Variants in PARP8 observed in about 807,000 individuals in gnomAD.
PARP8 encodes the protein protein mono-ADP-ribosyltransferase PARP8.
PARP8 carries 51 observed loss-of-function variants against 124.1 expected under a neutral mutation model. That is an observed-to-expected ratio of 0.41 (90% CI 0.33 to 0.52). PARP8 has a LOEUF of 0.52. PARP8 is among the 20% of genes least tolerant of loss of function. PARP8 has a pLI of 0.21. For synonymous variants in PARP8, 391 were observed against 361.5 expected (o/e 1.08, Z -0.93); for missense variants, 860 against 1,018.9 (o/e 0.84, Z 2.12).
At chr5:50,680,378 G>T (rs1751154533) in intron 2 of PARP8, among the ~76,000 whole-genome samples, 1 of 151,980 alleles carries the variant, frequency 6.6e-6, no homozygotes, top group Admixed American at 6.6e-5. Context: ...GAGTACGGAG[G>T]TCATTTGTAA....
rs369919383 is a variant in PARP8, at chr5:50,835,243, T to TA, written c.2462+236dup. Among the ~76,000 whole-genome samples, 27 of 151,982 alleles carry TA rather than the reference T, an allele frequency of 1.8e-4. 1 individual carries two copies. Among genetic ancestry groups the TA allele is most frequent in the South Asian group, 8.4e-4 (4 of 4,788 alleles). On this transcript the variant is annotated intron_variant, in intron 25 of 25. Coordinates refer to ENST00000281631, the MANE Select transcript of PARP8 (RefSeq NM_024615.4). ...TGAAAAACACCTGTTAACTTACAAC[T>TA]AAAAAAAACACCATCTTAGTCAAGC...
At chr5:50,759,809 A>T in intron 4 of PARP8, 77 bp downstream of exon 4, 1 of 1,413,266 alleles carries the variant, frequency 7.1e-7, no homozygotes, top group Non-Finnish European at 9.4e-7. Flanking sequence ...TGTTTGTTTC[A>T]TTTAGCCAGT....
At chr5:50,830,599 G>A (rs1746846284) in intron 22 of PARP8, among the ~76,000 whole-genome samples, 1 of 152,138 alleles carries the variant, frequency 6.6e-6, no homozygotes, top group African/African-American at 2.4e-5. Flanking sequence ...ATTTTACAAT[G>A]ATCAGCATGA....
At chr5:50,814,362 A>T (rs562870267) in intron 14 of PARP8, among the ~76,000 whole-genome samples, 1 of 152,310 alleles carries the variant, frequency 6.6e-6, no homozygotes, top group Non-Finnish European at 1.5e-5. Flanking sequence ...AGTTTGCTCT[A>T]TGTATATCTA....
Position 50,748,625 on chromosome 5 carries a change from A to G in PARP8, c.147-1526A>G, listed in dbSNP as rs183264906. 1.7e-3 allele frequency among the ~76,000 whole-genome samples: 252 copies of G among 152,258 alleles called. 2 individuals carry two copies. The highest frequency in any genetic ancestry group is 2.2e-3 in the Non-Finnish European group (150 of 67,996). Reference sequence around the variant, plus strand: ...CTTTGTTTTTGGTGGATCTGTATATATAATATATGGGCTGAATAGAGAATT... The same window carrying G: ...CTTTGTTTTTGGTGGATCTGTATATGTAATATATGGGCTGAATAGAGAATT... On this transcript the variant is annotated intron_variant, in intron 2 of 25. Coordinates refer to ENST00000281631, the MANE Select transcript of PARP8 (RefSeq NM_024615.4).
intron 2 of PARP8, among the ~76,000 whole-genome samples, chr5:50,708,602 T>C (rs1754407133): frequency 6.6e-6 from 1 of 152,084 alleles, no homozygotes; most frequent in South Asian, 2.1e-4. Context: ...AATTTCTTTA[T>C]ATGTAACTTA....
At chr5:50,803,145 T>C (rs1466715594) in intron 14 of PARP8, among the ~76,000 whole-genome samples, 1 of 152,202 alleles carries the variant, frequency 6.6e-6, no homozygotes, top group African/African-American at 2.4e-5. Context: ...GCATTTTGAG[T>C]ATGTCATCCT....
intron 2 of PARP8, among the ~76,000 whole-genome samples, chr5:50,743,290 T>C (rs1157030781): frequency 6.6e-6 from 1 of 152,166 alleles, no homozygotes; most frequent in African/African-American, 2.4e-5. Context: ...TAGCTCATAG[T>C]GGTGAAGAAT....
chr5:50,752,521 G>A (rs368122952), intron 3 of PARP8, among the ~76,000 whole-genome samples: 6 of 151,938 alleles, frequency 3.9e-5, no homozygotes, highest in Admixed American at 2.0e-4. Context: ...TATTTGGTCC[G>A]TAATTGTAAA....
chr5:50,757,282 C>G (rs1057121682), intron 3 of PARP8: 11 of 393,208 alleles, frequency 2.8e-5, no homozygotes, highest in African/African-American at 2.3e-4. Flanking sequence ...AAAAACAGGC[C>G]AATAATCAGT....
intron 2 of PARP8, among the ~76,000 whole-genome samples, chr5:50,701,862 A>C (rs1421187275): frequency 6.6e-6 from 1 of 152,092 alleles, no homozygotes; most frequent in Non-Finnish European, 1.5e-5. Flanking sequence ...CTTATTTAGA[A>C]CCTAAGATCC....
intron 14 of PARP8, among the ~76,000 whole-genome samples, chr5:50,798,046 T>A (rs774384326): frequency 6.6e-6 from 1 of 152,236 alleles, no homozygotes; most frequent in Non-Finnish European, 1.5e-5. Context: ...ATATTTGATA[T>A]GAATGGAATT....
chr5:50,770,330 C>T (rs562157450), intron 7 of PARP8, among the ~76,000 whole-genome samples: 28 of 152,296 alleles, frequency 1.8e-4, no homozygotes, highest in Admixed American at 4.6e-4. Flanking sequence ...ACTCCTGAAA[C>T]TTTACTTGAA....
intron 10 of PARP8, 95 bp downstream of exon 10, chr5:50,788,684 A>G (rs1278898052): frequency 2.9e-6 from 3 of 1,043,952 alleles, no homozygotes; most frequent in Non-Finnish European, 4.3e-6. Flanking sequence ...CCTATTCAGT[A>G]AGAACTTTTT....
chr5:50,667,163 C>G lies in PARP8; in HGVS notation c.68C>G (p.Ala23Gly), dbSNP rs1442869610. Reference protein sequence around the residue: ...DIDVVIQKSRAEKDCLFADFR... With the variant: ...DIDVVIQKSRGEKDCLFADFR... ...GACGTCGTGATCCAGAAGTCCAGAG[C>G]TGAGAAGGACTGCCTGTTTGCAGGT... The change falls in exon 1 of 26, where the codon GCT (alanine) becomes GGT (glycine). Residue 23 changes from alanine to glycine, a missense_variant. By Grantham distance (60) the Ala-to-Gly change is moderately conservative (BLOSUM62 0). Around this residue, in one of 2 missense-constraint regions of PARP8, gnomAD observed 517 missense variants for 544.2 expected, o/e 0.95. Transcript: ENST00000281631. 1 of 1,596,440 alleles carries G rather than the reference C, an allele frequency of 6.3e-7. No individual in the cohort carries two copies. The highest frequency in any genetic ancestry group is 1.1e-5 in the South Asian group (1 of 90,992).
intron 2 of PARP8, among the ~76,000 whole-genome samples, chr5:50,747,166 T>TTTG (rs1554054093): frequency 1.4e-5 from 2 of 141,782 alleles, no homozygotes; most frequent in Non-Finnish European, 3.1e-5. Flanking sequence ...TTGTTTTGTT[T>TTTG]TTTTTTTTTT....
intron 9 of PARP8, among the ~76,000 whole-genome samples, chr5:50,783,534 G>A (rs1181586847): frequency 6.6e-6 from 1 of 152,070 alleles, no homozygotes; most frequent in Non-Finnish European, 1.5e-5. Flanking sequence ...TGGCCCTGTT[G>A]CTCTATGTAC....
chr5:50,791,236 C>T (rs1741919353), intron 10 of PARP8, among the ~76,000 whole-genome samples: 1 of 152,138 alleles, frequency 6.6e-6, no homozygotes, highest in Admixed American at 6.5e-5. Context: ...TTATGCAGTA[C>T]GTATTATATG....
At chr5:50,749,055 T>C (rs565510508) in intron 2 of PARP8, among the ~76,000 whole-genome samples, 2 of 152,304 alleles carry the variant, frequency 1.3e-5, no homozygotes, top group East Asian at 3.9e-4. Context: ...CATCCTTAAG[T>C]ATACTTATGA....
Sources: allele counts gnomAD v4.1 joint callset (sites outside exome capture counted in the v4.1 genomes callset), GRCh38; gene constraint gnomAD v4.1.1; regional missense constraint gnomAD v4.1.1; transcripts MANE v1.5; gene names NCBI Gene and HGNC (gene_info 2026-07-23, HGNC 2026-07-21).